Variants in TENM3 observed in about 807,000 individuals in gnomAD.
The protein encoded by TENM3 is teneurin-3.
In TENM3, 63 loss-of-function variants were observed where a neutral mutation model predicts 255.1. The observed-to-expected ratio is 0.25, with a 90% confidence interval of 0.20 to 0.30. The LOEUF is 0.30. TENM3 is among the 10% of genes least tolerant of loss of function. The pLI is 1.00. For synonymous variants in TENM3, 1,306 were observed against 1,322.3 expected, an observed-to-expected ratio of 0.99 and a Z score of 0.27; for missense variants, 2,929 against 3,461.1, an observed-to-expected ratio of 0.85 and a Z score of 3.86.
chr4:181,987,975 A>G, the TENM3 span, among the ~76,000 whole-genome samples: 1 of 152,012 alleles, frequency 6.6e-6, no homozygotes, highest in Non-Finnish European at 1.5e-5. Flanking sequence ...AAATGGAAAC[A>G]TGGGTAGGTT....
chr4:182,520,720 A>G (rs1738482666), intron 3 of TENM3, among the ~76,000 whole-genome samples: 1 of 152,206 alleles, frequency 6.6e-6, no homozygotes, highest in African/African-American at 2.4e-5. Flanking sequence ...AGTTCTGGAC[A>G]AGTTAGTATA....
intron 19 of TENM3, chr4:182,744,147 A>T: frequency 1.1e-6 from 1 of 948,956 alleles, no homozygotes; most frequent in Non-Finnish European, 1.3e-6. Flanking sequence ...ACCAAGAAAT[A>T]AAGATTTTAG....
chr4:182,403,725 T>C (rs1456296408), intron 3 of TENM3, among the ~76,000 whole-genome samples: 1 of 152,124 alleles, frequency 6.6e-6, no homozygotes, highest in Non-Finnish European at 1.5e-5. Flanking sequence ...GTGAAAATTG[T>C]TTTCTAGTTA....
chr4:182,022,196 T>TA, the TENM3 span, among the ~76,000 whole-genome samples: 1 of 151,746 alleles, frequency 6.6e-6, no homozygotes, highest in Admixed American at 6.6e-5. Context: ...GTGGTACATA[T>TA]ACACCATGGA....
In TENM3 at chr4:182,673,149, A is replaced by G. The variant is rs902071951; in HGVS notation, c.1256A>G (p.Asn419Ser). ...FIDQPQFLKF[N>S]ISLQKDALIG... Reference sequence around the variant, plus strand: ...GATCAGCCACAGTTTCTTAAATTCAATATCTCTCTTCAGAAGGATGCATTG... The same window carrying G: ...GATCAGCCACAGTTTCTTAAATTCAGTATCTCTCTTCAGAAGGATGCATTG... The change falls in exon 7 of 28, where the codon AAT (asparagine) becomes AGT (serine). Residue 419 changes from asparagine (N) to serine (S), a missense_variant. Physicochemically the swap from Asn to Ser is conservative, Grantham distance 46. Transcript: ENST00000511685. 8.7e-6 allele frequency: 14 copies of G among 1,613,734 alleles called. No homozygotes were observed. Among genetic ancestry groups the G allele is most frequent in the South Asian group, 1.1e-5 (1 of 91,060 alleles).
At chr4:182,520,819 A>G (rs1361530376) in intron 3 of TENM3, among the ~76,000 whole-genome samples, 1 of 152,214 alleles carries the variant, frequency 6.6e-6, no homozygotes, top group African/African-American at 2.4e-5. Context: ...TATGAAATTC[A>G]TACATCAGCT....
At chr4:181,659,925 A>G in the TENM3 span, among the ~76,000 whole-genome samples, 64 of 152,156 alleles carry the variant, frequency 4.2e-4, no homozygotes, top group Non-Finnish European at 6.9e-4. Flanking sequence ...AGTAATATTG[A>G]CAACAAAAGC....
intron 22 of TENM3, among the ~76,000 whole-genome samples, chr4:182,764,296 T>C (rs57339301): frequency 0.12 from 18,726 of 152,262 alleles, 1,330 homozygotes; most frequent in Middle Eastern, 0.19. Context: ...ATTCATTCAG[T>C]AAGAATTTAT....
the TENM3 span, among the ~76,000 whole-genome samples, chr4:181,887,017 C>T: frequency 6.6e-6 from 1 of 152,110 alleles, no homozygotes. Flanking sequence ...CATAAGAACC[C>T]AGCAAATACT....
At chr4:182,274,987 G>C (rs1405190627) in intron 1 of TENM3, among the ~76,000 whole-genome samples, 1 of 151,950 alleles carries the variant, frequency 6.6e-6, no homozygotes, top group East Asian at 1.9e-4. Flanking sequence ...ACCACACCTG[G>C]CTAATTTTTG....
chr4:181,785,095 G>A, the TENM3 span, among the ~76,000 whole-genome samples: 1 of 152,280 alleles, frequency 6.6e-6, no homozygotes, highest in South Asian at 2.1e-4. Flanking sequence ...TTTAGAAAAG[G>A]CTTAAGGGGA....
intron 5 of TENM3, among the ~76,000 whole-genome samples, chr4:182,645,121 A>T (rs1054112151): frequency 7.3e-5 from 11 of 151,612 alleles, no homozygotes; most frequent in Non-Finnish European, 4.4e-5. Context: ...TCTGTTCATG[A>T]TATCAGTGAC....
At chr4:181,513,761 T>A in the TENM3 span, among the ~76,000 whole-genome samples, 1 of 152,342 alleles carries the variant, frequency 6.6e-6, no homozygotes, top group East Asian at 1.9e-4. Context: ...CCTCCCTGCA[T>A]CTAATCCTGT....
At chr4:182,181,056 T>C (rs1579624153) in intron 1 of TENM3, among the ~76,000 whole-genome samples, 1 of 152,096 alleles carries the variant, frequency 6.6e-6, no homozygotes. Context: ...AGAGATAACC[T>C]AGTTTTTCTT....
At chr4:182,757,176 G>T (rs544125451) in intron 22 of TENM3, among the ~76,000 whole-genome samples, 2 of 152,042 alleles carry the variant, frequency 1.3e-5, no homozygotes, top group African/African-American at 4.8e-5. Context: ...GCCAGGCGTG[G>T]TGGCAGGTGC....
At chr4:181,699,337 A>AG in the TENM3 span, among the ~76,000 whole-genome samples, 16 of 148,238 alleles carry the variant, frequency 1.1e-4, no homozygotes, top group Non-Finnish European at 7.4e-5. Context: ...CAGCTGAGAC[A>AG]GGGGGATCCC....
chr4:182,316,696 C>G (rs909020879), intron 1 of TENM3, among the ~76,000 whole-genome samples: 4 of 147,740 alleles, frequency 2.7e-5, no homozygotes, highest in Non-Finnish European at 6.1e-5. Flanking sequence ...CTCCAGTGGT[C>G]TCCTCACACA....
Position 182,386,590 on chromosome 4 carries a change from G to A in TENM3, c.511+39661G>A, listed in dbSNP as rs186657030. 5.1e-3 allele frequency among the ~76,000 whole-genome samples: 778 copies of A among 152,340 alleles called. 2 individuals are homozygous for A. The highest frequency in any genetic ancestry group is 0.018 in the African/African-American group (744 of 41,588). On this transcript the variant is annotated intron_variant, in intron 3 of 27. Coordinates refer to ENST00000511685, the MANE Select transcript of TENM3 (RefSeq NM_001080477.4). ...AGGCGCGAGCAGGAACTGGGGCTGC[G>A]CGCAGCGCTTGCGGGCCAGCTGTAG...
At chr4:181,638,994 T>A in the TENM3 span, among the ~76,000 whole-genome samples, 4 of 152,226 alleles carry the variant, frequency 2.6e-5, no homozygotes, top group African/African-American at 9.6e-5. Flanking sequence ...ACAGATGATC[T>A]AACTGGACAA....
Sources: gnomAD v4.1 joint callset for allele counts (sites outside exome capture counted in the v4.1 genomes callset) on GRCh38, gnomAD v4.1.1 for gene constraint, MANE v1.5 for transcripts, NCBI Gene and HGNC (gene_info 2026-07-23, HGNC 2026-07-21) for gene names.